The following EPB41L2 variants were observed in gnomAD, a reference collection of about 807,000 sequenced individuals.
The protein encoded by EPB41L2 is band 4.1-like protein 2.
A neutral mutation model predicts 113.0 loss-of-function variants in EPB41L2; 43 were observed. The observed-to-expected ratio is 0.38, with a 90% CI of 0.30 to 0.49. EPB41L2 has a LOEUF of 0.49. Ranked by LOEUF, EPB41L2 falls within the 20% of genes least tolerant of loss-of-function variation. The pLI is 0.95. For missense variants in EPB41L2, 1,147 were observed against 1,223.4 expected (o/e 0.94, Z 0.93); for synonymous variants, 442 against 436.7 (o/e 1.01, Z -0.15).
At chr6:130,947,495 C>A (rs945009214) in intron 3 of EPB41L2, among the ~76,000 whole-genome samples, 1 of 152,122 alleles carries the variant, frequency 6.6e-6, no homozygotes, top group Non-Finnish European at 1.5e-5. Context: ...TCTCTCAAAC[C>A]AAATACAAGT....
chr6:130,891,348 A>G (rs1400213795), intron 10 of EPB41L2, among the ~76,000 whole-genome samples: 1 of 152,108 alleles, frequency 6.6e-6, no homozygotes, highest in Non-Finnish European at 1.5e-5. Flanking sequence ...AAAAAAAAAG[A>G]ATCCCTGTAC....
At chr6:131,006,367 T>C (rs1021171863) in intron 1 of EPB41L2, among the ~76,000 whole-genome samples, 3 of 150,934 alleles carry the variant, frequency 2.0e-5, no homozygotes, top group African/African-American at 7.3e-5. Flanking sequence ...AACTTCTTTT[T>C]AAGTTCACTT....
chr6:130,849,806 C>T lies in EPB41L2; in HGVS notation c.*5+8325G>A, dbSNP rs570418660. Among the ~76,000 whole-genome samples, 12 of 152,272 alleles carry T rather than the reference C, an allele frequency of 7.9e-5. No homozygotes were observed. The South Asian group carries it at 2.5e-3, about 32-fold the overall frequency. On this transcript the variant is annotated intron_variant, in intron 19 of 19. Coordinates refer to ENST00000337057, the MANE Select transcript of EPB41L2 (RefSeq NM_001431.4). ...AAACAAATGCTCTTTCCTGATCAGA[C>T]TAGCAAAGCTTTTTTTTAATGTTTA... is the stretch of plus-strand genomic sequence containing the variant.
At chr6:131,048,709 C>T (rs778086003) in intron 1 of EPB41L2, among the ~76,000 whole-genome samples, 1 of 152,058 alleles carries the variant, frequency 6.6e-6, no homozygotes, top group Non-Finnish European at 1.5e-5. Flanking sequence ...CGAGGATACG[C>T]GAGGTTCATT....
chr6:130,997,443 C>T (rs1783396793), intron 1 of EPB41L2, among the ~76,000 whole-genome samples: 1 of 151,852 alleles, frequency 6.6e-6, no homozygotes. Context: ...CATCTAAGTG[C>T]AGGGGGGATC....
At chr6:130,863,815 G>C in intron 17 of EPB41L2, 97 bp from the exon 18 acceptor site, 2 of 748,496 alleles carry the variant, frequency 2.7e-6, no homozygotes, top group Non-Finnish European at 2.3e-6. Flanking sequence ...TAGACCTGTG[G>C]ATCATTGTAA....
At chr6:130,867,373 A>G (rs776240310) in intron 16 of EPB41L2, 86 bp downstream of exon 16, 15 of 1,530,030 alleles carry the variant, frequency 9.8e-6, no homozygotes, top group Admixed American at 2.1e-5. Context: ...AGCCAGAAAC[A>G]TGTAAACTAA....
chr6:131,028,233 G>T (rs1791306399), intron 1 of EPB41L2, among the ~76,000 whole-genome samples: 1 of 152,206 alleles, frequency 6.6e-6, no homozygotes, highest in Admixed American at 6.5e-5. Context: ...AGGCCACTTA[G>T]AAGAGTATAT....
At chr6:130,927,133 C>T (rs979169971) in intron 3 of EPB41L2, among the ~76,000 whole-genome samples, 1 of 152,136 alleles carries the variant, frequency 6.6e-6, no homozygotes, top group African/African-American at 2.4e-5. Context: ...ATCCTATCAA[C>T]ACTTTGGTTT....
At chr6:130,965,307 A>C (rs1218234215) in intron 1 of EPB41L2, among the ~76,000 whole-genome samples, 24 of 152,226 alleles carry the variant, frequency 1.6e-4, no homozygotes. Flanking sequence ...AGATTTAAAA[A>C]TTACTACTAG....
At chr6:130,919,753 A>G (rs1172044526) in intron 4 of EPB41L2, among the ~76,000 whole-genome samples, 1 of 152,186 alleles carries the variant, frequency 6.6e-6, no homozygotes, top group African/African-American at 2.4e-5. Flanking sequence ...CAGCTATGAC[A>G]CTAAGGTTGC....
At chr6:130,992,928 T>C (rs1782226575) in intron 1 of EPB41L2, among the ~76,000 whole-genome samples, 1 of 152,124 alleles carries the variant, frequency 6.6e-6, no homozygotes, top group Non-Finnish European at 1.5e-5. Flanking sequence ...CCAGCCCCAA[T>C]TCCAATTCTT....
intron 1 of EPB41L2, among the ~76,000 whole-genome samples, chr6:131,005,903 T>C (rs1316153488): frequency 1.3e-5 from 2 of 152,124 alleles, no homozygotes; most frequent in Non-Finnish European, 2.9e-5. Context: ...GAGGAGTTCA[T>C]GCTAAATCCA....
intron 3 of EPB41L2, among the ~76,000 whole-genome samples, chr6:130,929,470 A>G (rs959596661): frequency 6.6e-6 from 1 of 152,306 alleles, no homozygotes; most frequent in East Asian, 1.9e-4. Flanking sequence ...AAGCCATGCG[A>G]TATGACTGCT....
In EPB41L2 at chr6:131,033,653, A is replaced by T. The variant is rs141937952; in HGVS notation, c.-15+29502T>A. On this transcript the variant is annotated intron_variant, in intron 1 of 19. Coordinates refer to ENST00000337057, the MANE Select transcript of EPB41L2 (RefSeq NM_001431.4). Reference sequence around the variant, plus strand: ...TGCTACAACATGAATGAATTTTGAAAACACTATGCTAAGTGAAATAAGCCA... The same window carrying T: ...TGCTACAACATGAATGAATTTTGAATACACTATGCTAAGTGAAATAAGCCA... Among the ~76,000 whole-genome samples, 527 of 152,356 alleles carry T rather than the reference A, an allele frequency of 3.5e-3. 1 individual carries two copies. Among genetic ancestry groups the T allele is most frequent in the African/African-American group, 0.012 (509 of 41,592 alleles).
In EPB41L2 at chr6:130,869,766, G is replaced by C; in HGVS notation, c.2404C>G (p.Gln802Glu). 1.9e-6 allele frequency: 3 copies of C among 1,614,090 alleles called. No individual in the cohort carries two copies. The highest frequency in any genetic ancestry group is 2.5e-6 in the Non-Finnish European group (3 of 1,180,024). ...EAVPEASPVTQAGASVITVET... is the reference protein window; with the variant it reads ...EAVPEASPVTEAGASVITVET... ...ACTGTGATTACACTGGCACCTGCTT[G>C]TGTGACTGGGCTGGCTTCGGGCACT... Residue 802 changes from glutamine (Q) to glutamate (E), a missense_variant, in exon 15 of 20, where the codon CAA (glutamine) becomes GAA (glutamate). By Grantham distance (29) the Gln-to-Glu change is conservative. Coordinates refer to ENST00000337057, the MANE Select transcript of EPB41L2 (RefSeq NM_001431.4).
chr6:130,876,432 T>C (rs1787573212), intron 14 of EPB41L2, among the ~76,000 whole-genome samples: 1 of 152,232 alleles, frequency 6.6e-6, no homozygotes, highest in Non-Finnish European at 1.5e-5. Flanking sequence ...AGTTATCACC[T>C]AAATTGGTTG....
At chr6:130,966,028 TA>T (rs11430432) in intron 1 of EPB41L2, among the ~76,000 whole-genome samples, 28 of 147,314 alleles carry the variant, frequency 1.9e-4, no homozygotes, top group Non-Finnish European at 3.3e-4. Flanking sequence ...TGATGAGCTT[TA>T]AAAAAAAAAT....
chr6:130,947,025 C>CA (rs10670642), intron 3 of EPB41L2, among the ~76,000 whole-genome samples: 1 of 145,664 alleles, frequency 6.9e-6, no homozygotes, highest in African/African-American at 2.6e-5. Flanking sequence ...AGACCCCCCC[C>CA]CCAGCCCCTT....
Sources: allele counts gnomAD v4.1 joint callset (sites outside exome capture counted in the v4.1 genomes callset), GRCh38; gene constraint gnomAD v4.1.1; transcripts MANE v1.5; gene names NCBI Gene and HGNC (gene_info 2026-07-23, HGNC 2026-07-21).